MIB2: variants seen among roughly 807,000 people sequenced by gnomAD.
The protein encoded by MIB2 is E3 ubiquitin-protein ligase MIB2.
MIB2 carries 78 observed loss-of-function variants against 96.6 expected under a neutral mutation model. That is an observed-to-expected ratio of 0.81 (90% confidence interval 0.67 to 0.97). The LOEUF (loss-of-function observed/expected upper bound fraction) is 0.97. Among genes scored for constraint, MIB2 ranks in the 50% least tolerant of loss-of-function variants. The pLI is 0.00. For synonymous variants in MIB2, 820 were observed against 629.5 expected (o/e 1.30, Z -4.53); for missense variants, 1,543 against 1,424.0 (o/e 1.08, Z -1.35).
chr1:1,623,901 G>A lies in MIB2; in HGVS notation c.375G>A (p.Glu125=). The change falls in exon 4 of 20, where the codon GAG becomes GAA. Residue 125 remains glutamate (E), a synonymous_variant. Transcript: ENST00000355826. Reference sequence around the variant, plus strand: ...AGTGCTACATGCACAACAAGCATGAGCTCGCCCACGCCTTCGACCGCTACG... The same window carrying A: ...AGTGCTACATGCACAACAAGCATGAACTCGCCCACGCCTTCGACCGCTACG... ...CTQCYMHNKH[E]LAHAFDRYET... The A allele has an allele frequency of 6.2e-7, 1 of 1,612,074 alleles. No individual in the cohort carries two copies. Among genetic ancestry groups the A allele is most frequent in the Non-Finnish European group, 8.5e-7 (1 of 1,179,518 alleles).
rs1378436279 is a variant in MIB2 at position 1,615,593 on chromosome 1, C to T, written c.-170C>T. 1.3e-6 allele frequency: 2 copies of T among 1,562,454 alleles called. No homozygotes were observed. Among genetic ancestry groups the T allele is most frequent in the Admixed American group, 1.8e-5 (1 of 55,194 alleles). ...GCCCGAAGCCGTCCCCGAGTCGCTC[C>T]TAGGTCACTGGCGCGATGCGGGCCG... is the stretch of plus-strand genomic sequence containing the variant. On this transcript the variant is annotated 5_prime_UTR_variant, in exon 1 of 20. Coordinates refer to ENST00000355826, the MANE Select transcript of MIB2 (RefSeq NM_001170687.4).
chr1:1,625,170 C>T lies in MIB2; in HGVS notation c.706C>T (p.His236Tyr). ...EAAGGFYYKD[H>Y]LPRLGKPAEL... ...AGCGGGCGGCTTCTACTACAAGGAC[C>T]ACCTCCCAAGGCTCGGTATGAGGCT... Residue 236 changes from histidine to tyrosine, a missense_variant, in exon 6 of 20, where the codon CAC becomes TAC. By Grantham distance (83) the His-to-Tyr change is moderately conservative. Coordinates refer to ENST00000355826, the MANE Select transcript of MIB2 (RefSeq NM_001170687.4). The surrounding 1 kb of genome is among the most constrained non-coding windows in gnomAD (Gnocchi z 5.0). 6.2e-7 allele frequency: 1 copy of T among 1,611,190 alleles called. No individual in the cohort carries two copies. Among genetic ancestry groups the T allele is most frequent in the Non-Finnish European group, 8.5e-7 (1 of 1,178,902 alleles).
upstream of MIB2, chr1:1,615,464 C>CG (rs562151581): frequency 1.0e-3 from 1,529 of 1,516,668 alleles, 16 homozygotes; most frequent in African/African-American, 0.019. Flanking sequence ...GTGGCCATGG[C>CG]GGGGGCGCTC....
chr1:1,615,875 C>G, intron 1 of MIB2: 1 of 1,092,346 alleles, frequency 9.2e-7, no homozygotes, highest in East Asian at 6.4e-5. Flanking sequence ...AGGCCTCGCG[C>G]GGCCCGGGGC....
rs747845661 is a variant in MIB2, at chr1:1,628,257, C to T, written c.1842-16C>T. On this transcript the variant is annotated splice_polypyrimidine_tract_variant and intron_variant, in intron 14 of 19. Transcript: ENST00000355826. Reference sequence around the variant, plus strand: ...GGGGCAGTCCCAGGTCCCAGACCAACCTCCCTGCTCCACAGAGCTGTGAGA... The same window carrying T: ...GGGGCAGTCCCAGGTCCCAGACCAATCTCCCTGCTCCACAGAGCTGTGAGA... 1.2e-6 allele frequency: 2 copies of T among 1,612,904 alleles called. No individual in the cohort carries two copies. The highest frequency in any genetic ancestry group is 1.7e-6 in the Non-Finnish European group (2 of 1,179,868).
Position 1,625,977 on chromosome 1 carries a change from T to G in MIB2, c.972+324T>G. The G allele has an allele frequency of 5.3e-6, 2 of 374,764 alleles. No individual in the cohort carries two copies. The highest frequency in any genetic ancestry group is 2.1e-5 in the African/African-American group (1 of 47,252). 23.2% of individuals were successfully genotyped at this position (374,764 alleles called of 1,614,324 possible). On this transcript the variant is annotated intron_variant, in intron 8 of 19. Transcript: ENST00000355826. The surrounding 1 kb of genome is among the most constrained non-coding windows in gnomAD (Gnocchi z 5.0). Reference sequence around the variant, plus strand: ...GCTGGGCTAAGATGCTCCTGGTTAGTGCTGTATGGGGGCCGATGGGGGTGG... The same window carrying G: ...GCTGGGCTAAGATGCTCCTGGTTAGGGCTGTATGGGGGCCGATGGGGGTGG...
chr1:1,629,212 C>G lies in MIB2; in HGVS notation c.2282C>G (p.Ala761Gly), dbSNP rs1645120022. Residue 761 changes from alanine to glycine, a missense_variant, in exon 17 of 20, where the codon GCC becomes GGC. Coordinates refer to ENST00000355826, the MANE Select transcript of MIB2 (RefSeq NM_001170687.4). ...GCCTGCTTCCTGGCGCTGGAGGGCG[C>G]CGACGTGAGCTACACCAACCACCGC... is the stretch of plus-strand genomic sequence containing the variant. ...AVACFLALEG[A>G]DVSYTNHRGR... 2 of 1,531,472 alleles carry G rather than the reference C, an allele frequency of 1.3e-6. No individual in the cohort carries two copies. The highest frequency in any genetic ancestry group is 1.7e-6 in the Non-Finnish European group (2 of 1,148,880). The allele number at this position is 1,531,472 out of a possible 1,614,324, so 94.9% of individuals were successfully genotyped here.
In MIB2 at chr1:1,628,724, T is replaced by G. The variant is rs1236213576; in HGVS notation, c.2202+2T>G. 2 of 1,529,762 alleles carry G rather than the reference T, an allele frequency of 1.3e-6. No homozygotes were observed. Among genetic ancestry groups the G allele is most frequent in the Non-Finnish European group, 1.8e-6 (2 of 1,136,368 alleles). The allele number at this position is 1,529,762 out of a possible 1,614,324, so 94.8% of individuals were successfully genotyped here. On this transcript the variant is annotated splice_donor_variant, in intron 16 of 19. Transcript: ENST00000355826. LOFTEE classifies it high-confidence loss of function. ...GGGCCCTTGCAGCTGCTGTCCAGGG[T>G]GAGGAAGTGTGGCGTGGGGTGCTGG... is the stretch of plus-strand genomic sequence containing the variant.
intron 2 of MIB2, 42 bp downstream of exon 2, chr1:1,616,656 C>T (rs766312998): frequency 1.3e-6 from 2 of 1,498,972 alleles, no homozygotes; most frequent in Non-Finnish European, 9.0e-7. Flanking sequence ...TTGCACTTGG[C>T]TCTCCCACTT....
Position 1,627,370 on chromosome 1 carries a change from G to A in MIB2, c.1449G>A (p.Leu483=), listed in dbSNP as rs372660583. Residue 483 remains leucine, a synonymous_variant, in exon 12 of 20, where the codon CTG becomes CTA. Coordinates refer to ENST00000355826, the MANE Select transcript of MIB2 (RefSeq NM_001170687.4). ...AYLGQVELIR[L]LLQARAGVDL... is the part of the protein sequence containing the mutation. ...TGGGCCAGGTGGAGTTGATACGGCT[G>A]CTGCTACAAGCCAGGGCGGGCGTGG... is the stretch of plus-strand genomic sequence containing the variant. 2.5e-5 allele frequency: 40 copies of A among 1,612,946 alleles called. No homozygotes were observed. The highest frequency in any genetic ancestry group is 4.0e-5 in the African/African-American group (3 of 74,948).
In MIB2 at chr1:1,623,580, G is replaced by T; in HGVS notation, c.128G>T (p.Gly43Val). The change falls in exon 3 of 20, where the codon GGC becomes GTC. Residue 43 changes from glycine to valine, a missense_variant. Physicochemically the swap from Gly to Val is moderately radical, Grantham distance 109 (BLOSUM62 -3). Transcript: ENST00000355826. ...ACGGTGGTGGAGCTTGGCCGCCACG[G>T]CAGCCCCTCGACACCCGACCGCACA... is the stretch of plus-strand genomic sequence containing the variant. ...VGTVVELGRHGSPSTPDRTVV... is the reference protein window; with the variant it reads ...VGTVVELGRHVSPSTPDRTVV... The T allele has an allele frequency of 6.6e-7, 1 of 1,513,778 alleles. No homozygotes were observed. Among genetic ancestry groups the T allele is most frequent in the Non-Finnish European group, 8.8e-7 (1 of 1,131,548 alleles). The allele number at this position is 1,513,778 out of a possible 1,614,324, so 93.8% of individuals were successfully genotyped here.
At position 1,627,912 on chromosome 1, in the gene MIB2, C is replaced by T. The variant is rs1012164991; in HGVS notation, c.1680+83C>T. The T allele has an allele frequency of 2.5e-6, 4 of 1,597,920 alleles. No individual in the cohort carries two copies. The Admixed American group carries it at 6.7e-5, about 27-fold the overall frequency. ...GGGTTCCCTCTGCCCATGTGTGCTG[C>T]TCCCTGGCCTGGGTGCCCCCTGCCC... On this transcript the variant is annotated intron_variant, in intron 13 of 19. Coordinates refer to ENST00000355826, the MANE Select transcript of MIB2 (RefSeq NM_001170687.4).
chr1:1,623,333 A>G, intron 2 of MIB2, 98 bp from the exon 3 acceptor site: 1 of 1,512,188 alleles, frequency 6.6e-7, no homozygotes, highest in African/African-American at 1.4e-5. Context: ...TCTCCCGCGG[A>G]GCCCACTCTG....
chr1:1,616,495 C>T lies in MIB2; in HGVS notation c.-129-13C>T, dbSNP rs778691904. On this transcript the variant is annotated splice_polypyrimidine_tract_variant and intron_variant, in intron 1 of 19. Transcript: ENST00000355826. Reference sequence around the variant, plus strand: ...TGCTAACTGTGCATCTTGGCATCTCCCCTCGGCCACAGGGTTGGAAGCCCA... The same window carrying T: ...TGCTAACTGTGCATCTTGGCATCTCTCCTCGGCCACAGGGTTGGAAGCCCA... The T allele has an allele frequency of 3.9e-6, 6 of 1,556,984 alleles. No homozygotes were observed. The highest frequency in any genetic ancestry group is 2.4e-5 in the East Asian group (1 of 42,362).
chr1:1,615,141 G>A (rs1220698299), upstream of MIB2: 1 of 373,502 alleles, frequency 2.7e-6, no homozygotes, highest in South Asian at 4.3e-5. Flanking sequence ...ACCCGGGGCG[G>A]GAGGACGGGC....
At chr1:1,629,084 C>CG (rs1355316239) in intron 16 of MIB2, 49 bp from the exon 17 acceptor site, 3 of 1,391,686 alleles carry the variant, frequency 2.2e-6, no homozygotes, top group Non-Finnish European at 2.8e-6. Context: ...ACGCCTCCCT[C>CG]GGGCCTGCCC....
In MIB2 at chr1:1,626,639, T is replaced by C. The variant is rs756727792; in HGVS notation, c.973-11T>C. 1 of 1,544,504 alleles carries C rather than the reference T, an allele frequency of 6.5e-7. No individual in the cohort carries two copies. On this transcript the variant is annotated splice_polypyrimidine_tract_variant and intron_variant, in intron 8 of 19. Coordinates refer to ENST00000355826, the MANE Select transcript of MIB2 (RefSeq NM_001170687.4). This position sits in a 1 kb window ranked among gnomAD's most constrained non-coding sequence, Gnocchi z 5.3. The stretch of plus-strand genomic sequence containing the variant: ...GCTGGGGGGCCCCTCACGCCCCTCT[T>C]TGTCGCTCAGCACCACTCCTTCTGG...
Position 1,629,397 on chromosome 1 carries a change from G to C in MIB2, c.2394G>C (p.Ala798=), listed in dbSNP as rs533882971. The change falls in exon 18 of 20, where the codon GCG becomes GCC. Residue 798 remains alanine (A), a synonymous_variant. Coordinates refer to ENST00000355826, the MANE Select transcript of MIB2 (RefSeq NM_001170687.4). The stretch of plus-strand genomic sequence containing the variant: ...CCTCCCCCTGCAGGGAGCGGCAGGC[G>C]GGCGGGGGCGCGGCCCCGGGCCCCA... The part of the protein sequence containing the change: ...GCAQRFRERQ[A]GGGAAPGPRQ... 43 of 1,443,544 alleles carry C rather than the reference G, an allele frequency of 3.0e-5. No individual in the cohort carries two copies. Among genetic ancestry groups the C allele is most frequent in the Non-Finnish European group, 3.9e-5 (43 of 1,110,790 alleles). The allele number at this position is 1,443,544 out of a possible 1,614,324, so 89.4% of individuals were successfully genotyped here. A position where few individuals can be genotyped will look rare whatever the true frequency, so the allele number is the denominator to read the frequency against.
Position 1,629,214 on chromosome 1 carries a change from G to C in MIB2, c.2284G>C (p.Asp762His), listed in dbSNP as rs899138233. 6.5e-7 allele frequency: 1 copy of C among 1,534,412 alleles called. No homozygotes were observed. The highest frequency in any genetic ancestry group is 1.8e-4 in the Middle Eastern group (1 of 5,698). The part of the protein sequence containing the change: ...VACFLALEGA[D>H]VSYTNHRGRS... ...CTGCTTCCTGGCGCTGGAGGGCGCC[G>C]ACGTGAGCTACACCAACCACCGCGG... Residue 762 changes from aspartate to histidine, a missense_variant, in exon 17 of 20, where the codon GAC (aspartate) becomes CAC (histidine). By Grantham distance (81) the Asp-to-His change is moderately conservative (BLOSUM62 -1). Transcript: ENST00000355826.
Sources: allele counts gnomAD v4.1 joint callset, GRCh38; gene constraint gnomAD v4.1.1; non-coding constraint Gnocchi (gnomAD v3.1); transcripts MANE v1.5; gene names NCBI Gene and HGNC (gene_info 2026-07-23, HGNC 2026-07-21).